ONECUT1: variants seen among roughly 807,000 people sequenced by gnomAD.
The protein encoded by ONECUT1 is hepatocyte nuclear factor 6.
ONECUT1 carries 12 observed loss-of-function variants against 25.6 expected under a neutral mutation model. The observed-to-expected ratio is 0.47, with a 90% CI of 0.30 to 0.76. ONECUT1 has a LOEUF of 0.76. Ranked by LOEUF, ONECUT1 falls within the 30% of genes least tolerant of loss-of-function variation. ONECUT1 has a pLI of 0.07. For synonymous variants in ONECUT1, 285 were observed against 270.2 expected, an observed-to-expected ratio of 1.05 and a Z score of -0.54; for missense variants, 620 against 651.2, an observed-to-expected ratio of 0.95 and a Z score of 0.52.
chr15:52,757,607 C>T lies in ONECUT1; in HGVS notation c.1346G>A (p.Ser449Asn), dbSNP rs753510046. The change falls in exon 2 of 2, where the codon AGC becomes AAC. Residue 449 changes from serine (S) to asparagine (N), a missense_variant. Ser to Asn is a conservative substitution (Grantham distance 46). Coordinates refer to ENST00000305901, the MANE Select transcript of ONECUT1 (RefSeq NM_004498.4). The part of the protein sequence containing the change: ...RSLDKWQDEG[S>N]SNSGNSSSSS... ...AGAAGATGAGTTGCCTGAATTGGAG[C>T]TGCCCTCGTCCTGCCACTTGTCCAG... 1 of 1,614,120 alleles carries T rather than the reference C, an allele frequency of 6.2e-7. No homozygotes were observed. The highest frequency in any genetic ancestry group is 2.2e-5 in the East Asian group (1 of 44,876).
intron 1 of ONECUT1, among the ~76,000 whole-genome samples, chr15:52,763,458 C>A (rs2083717343): frequency 6.6e-6 from 1 of 151,882 alleles, no homozygotes; most frequent in Non-Finnish European, 1.5e-5. Flanking sequence ...GACTGCTTTG[C>A]CTATAGTGGG....
At chr15:52,768,126 G>GCACT (rs1447214849) in intron 1 of ONECUT1, among the ~76,000 whole-genome samples, 1 of 151,842 alleles carries the variant, frequency 6.6e-6, no homozygotes, top group Non-Finnish European at 1.5e-5. Flanking sequence ...GTGTTAGGTG[G>GCACT]CACTATAGGG....
intron 1 of ONECUT1, among the ~76,000 whole-genome samples, chr15:52,758,739 T>C (rs1024642031): frequency 6.6e-6 from 1 of 152,258 alleles, no homozygotes; most frequent in African/African-American, 2.4e-5. Flanking sequence ...TAATGTATCA[T>C]CCCAATGGAG....
Position 52,769,644 on chromosome 15 carries a change from C to G in ONECUT1, c.1106-11797G>C, listed in dbSNP as rs575728260. 2.8e-3 allele frequency among the ~76,000 whole-genome samples: 423 copies of G among 152,288 alleles called. 1 individual carries two copies. The highest frequency in any genetic ancestry group is 9.9e-3 in the African/African-American group (410 of 41,564). ...AGTGAGCTCAGGGACAGGTAAGGAG[C>G]AGACTAGAGCAACAGAGCTGGAGAA... On this transcript the variant is annotated intron_variant, in intron 1 of 1. Transcript: ENST00000305901.
Position 52,789,414 on chromosome 15 carries a change from C to T in ONECUT1, c.471G>A (p.Gly157=). 2 of 1,613,878 alleles carry T rather than the reference C, an allele frequency of 1.2e-6. No homozygotes were observed. The highest frequency in any genetic ancestry group is 1.7e-6 in the Non-Finnish European group (2 of 1,179,956). Residue 157 remains glycine, a synonymous_variant, in exon 1 of 2, where the codon GGG becomes GGA. Transcript: ENST00000305901. The surrounding 1 kb of genome is among the most constrained non-coding windows in gnomAD (Gnocchi z 4.1). ...GSFTLMRDER[G]LASMNNLYTP... ...TATAGAGGTTATTCATGGAGGCCAG[C>T]CCGCGCTCATCCCGCATGAGCGTGA...
intron 1 of ONECUT1, among the ~76,000 whole-genome samples, chr15:52,783,637 T>A (rs1344926571): frequency 6.6e-6 from 1 of 152,204 alleles, no homozygotes; most frequent in Non-Finnish European, 1.5e-5. Context: ...CCGGTCAGTT[T>A]GCAGGAAGAG....
Position 52,788,736 on chromosome 15 carries a change from C to T in ONECUT1, c.1105+44G>A. ...TTCCTCCTTTGGTCCCTTCGGCTTT[C>T]GTGTACCTTATCTCCCGCGCGCCCA... is the stretch of plus-strand genomic sequence containing the variant. On this transcript the variant is annotated intron_variant, in intron 1 of 1. Coordinates refer to ENST00000305901, the MANE Select transcript of ONECUT1 (RefSeq NM_004498.4). This position sits in a 1 kb window ranked among gnomAD's most constrained non-coding sequence, Gnocchi z 4.3. 1 of 1,565,980 alleles carries T rather than the reference C, an allele frequency of 6.4e-7. No homozygotes were observed. The highest frequency in any genetic ancestry group is 8.6e-7 in the Non-Finnish European group (1 of 1,156,936).
rs1294788322 is a variant in ONECUT1 at position 52,788,529 on chromosome 15, G to A, written c.1105+251C>T. 4.1e-6 allele frequency: 2 copies of A among 486,996 alleles called. No homozygotes were observed. Among genetic ancestry groups the A allele is most frequent in the African/African-American group, 3.8e-5 (2 of 52,702 alleles). 30.2% of individuals were successfully genotyped at this position (486,996 alleles called of 1,614,324 possible). A position where few individuals can be genotyped will look rare whatever the true frequency, so the allele number is the denominator to read the frequency against. ...CCTCGCTGTCCCTGAGCGCAAATGA[G>A]CCTCTTCAGTCGCCGAGGCCCGGCC... On this transcript the variant is annotated intron_variant, in intron 1 of 1. Coordinates refer to ENST00000305901, the MANE Select transcript of ONECUT1 (RefSeq NM_004498.4). This position sits in a 1 kb window ranked among gnomAD's most constrained non-coding sequence, Gnocchi z 4.3.
rs557375012 is a variant in ONECUT1, at chr15:52,755,165, T to G, written c.*2390A>C. On this transcript the variant is annotated 3_prime_UTR_variant, in exon 2 of 2. Transcript: ENST00000305901. ...GATTGTGTGTAGACACAGCTTGAATTTCCCTGCATTTAGAATTATCACGTT... is the reference window on the plus strand; with the variant it reads ...GATTGTGTGTAGACACAGCTTGAATGTCCCTGCATTTAGAATTATCACGTT... Among the ~76,000 whole-genome samples the G allele has an allele frequency of 6.6e-6, 1 of 152,262 alleles. No individual in the cohort carries two copies. The highest frequency in any genetic ancestry group is 1.5e-5 in the Non-Finnish European group (1 of 68,010).
chr15:52,766,805 C>A (rs72740271), intron 1 of ONECUT1, among the ~76,000 whole-genome samples: 2 of 152,198 alleles, frequency 1.3e-5, no homozygotes, highest in African/African-American at 4.8e-5. Context: ...CCTCTCCCTG[C>A]CCCCGGTCTG....
At chr15:52,780,932 A>G (rs1566993239) in intron 1 of ONECUT1, 17 of 1,236,014 alleles carry the variant, frequency 1.4e-5, no homozygotes, top group Non-Finnish European at 1.5e-5. Context: ...GGTGACTGGA[A>G]ACATGCAGTG....
At chr15:52,780,672 A>C in intron 1 of ONECUT1, 2 of 1,533,476 alleles carry the variant, frequency 1.3e-6, no homozygotes, top group South Asian at 2.4e-5. Flanking sequence ...CAGTCGCAGA[A>C]TCTGCAGCGA....
intron 1 of ONECUT1, among the ~76,000 whole-genome samples, chr15:52,783,456 T>G (rs561148190): frequency 2.6e-5 from 4 of 152,352 alleles, no homozygotes; most frequent in African/African-American, 9.6e-5. Context: ...TCTATCTGCC[T>G]ACCGGGGCGA....
At chr15:52,763,944 A>G (rs2083720001) in intron 1 of ONECUT1, among the ~76,000 whole-genome samples, 1 of 152,258 alleles carries the variant, frequency 6.6e-6, no homozygotes, top group African/African-American at 2.4e-5. Flanking sequence ...TGGAAGTTAG[A>G]AACAAACCAA....
chr15:52,765,127 A>G (rs2083726815), intron 1 of ONECUT1, among the ~76,000 whole-genome samples: 1 of 152,240 alleles, frequency 6.6e-6, no homozygotes, highest in South Asian at 2.1e-4. Flanking sequence ...CAGAATATGA[A>G]AATCCACAGG....
At chr15:52,783,701 C>G (rs914872212) in intron 1 of ONECUT1, among the ~76,000 whole-genome samples, 8 of 152,262 alleles carry the variant, frequency 5.3e-5, no homozygotes, top group Non-Finnish European at 1.0e-4. Context: ...TCCCTCAGCT[C>G]CAACCTCCGA....
At chr15:52,768,330 T>G (rs1406294322) in intron 1 of ONECUT1, among the ~76,000 whole-genome samples, 3 of 152,196 alleles carry the variant, frequency 2.0e-5, no homozygotes, top group African/African-American at 7.2e-5. Context: ...CTATTATGTA[T>G]CCATAATTAA....
At position 52,789,250 on chromosome 15, in the gene ONECUT1, A is replaced by C. The variant is rs1222333544; in HGVS notation, c.635T>G (p.Met212Arg). 5.2e-6 allele frequency: 8 copies of C among 1,548,028 alleles called. No homozygotes were observed. The South Asian group carries it at 8.6e-5, about 17-fold the overall frequency. The stretch of plus-strand genomic sequence containing the variant: ...GGCTTCGAAGCCGTTGGGGGTGAGC[A>C]TCTTGTCGGTGGGCATGGCGGCCCC... ...HPGAAMPTDK[M>R]LTPNGFEAHH... Residue 212 changes from methionine (M) to arginine (R), a missense_variant, in exon 1 of 2, where the codon ATG becomes AGG. By Grantham distance (91) the Met-to-Arg change is moderately conservative (BLOSUM62 -1). Coordinates refer to ENST00000305901, the MANE Select transcript of ONECUT1 (RefSeq NM_004498.4). This position sits in a 1 kb window ranked among gnomAD's most constrained non-coding sequence, Gnocchi z 4.1.
rs190989452 is a variant in ONECUT1 at position 52,763,424 on chromosome 15, A to T, written c.1106-5577T>A. The stretch of plus-strand genomic sequence containing the variant: ...ATGAGGGTGTGGGCAAAGGACAGAG[A>T]CTTCTAGTTCAGGCATGCCTGGGGA... On this transcript the variant is annotated intron_variant, in intron 1 of 1. Coordinates refer to ENST00000305901, the MANE Select transcript of ONECUT1 (RefSeq NM_004498.4). Among the ~76,000 whole-genome samples, 4 of 152,068 alleles carry T rather than the reference A, an allele frequency of 2.6e-5. No homozygotes were observed. The East Asian group carries it at 7.7e-4, about 29-fold the overall frequency.
Sources: gnomAD v4.1 joint callset for allele counts (sites outside exome capture counted in the v4.1 genomes callset) on GRCh38, gnomAD v4.1.1 for gene constraint, Gnocchi (gnomAD v3.1) non-coding constraint, MANE v1.5 for transcripts, NCBI Gene and HGNC (gene_info 2026-07-23, HGNC 2026-07-21) for gene names.